The following GPR149 variants were observed in gnomAD, a reference collection of about 807,000 sequenced individuals.
GPR149 encodes G protein-coupled receptor 149.
In GPR149, 50 loss-of-function variants were observed where a neutral mutation model predicts 50.2. The ratio of observed to expected loss-of-function variants is 1.00; its 90% CI spans 0.79 to 1.26. The LOEUF is 1.26. GPR149 is among the 50% of genes most tolerant of loss of function. The pLI is 0.00. For missense variants in GPR149, 983 were observed against 895.4 expected (o/e 1.10, Z -1.25); for synonymous variants, 405 against 358.2 (o/e 1.13, Z -1.48).
At chr3:154,352,914 T>C in intron 3 of GPR149, 2 of 878,272 alleles carry the variant, frequency 2.3e-6, no homozygotes, top group Non-Finnish European at 2.0e-6. Context: ...TCCAGAGCGA[T>C]GGATACGGGC....
At chr3:154,426,869 GGCGTGTGT>G (rs1712315714) in intron 2 of GPR149, among the ~76,000 whole-genome samples, 1 of 84,948 alleles carries the variant, frequency 1.2e-5, no homozygotes, top group African/African-American at 4.6e-5. Flanking sequence ...TTTGGACCAG[GGCGTGTGT>G]GTGTGTGTGT....
intron 3 of GPR149, among the ~76,000 whole-genome samples, chr3:154,401,079 C>T (rs1711543458): frequency 1.3e-5 from 2 of 152,172 alleles, no homozygotes; most frequent in South Asian, 4.1e-4. Flanking sequence ...CAAATTTTAT[C>T]TTTATCTTAA....
intron 3 of GPR149, among the ~76,000 whole-genome samples, chr3:154,420,057 A>C (rs1173022902): frequency 6.6e-6 from 1 of 152,048 alleles, no homozygotes; most frequent in Non-Finnish European, 1.5e-5. Flanking sequence ...TTAATCAATG[A>C]GAATAAAGAA....
chr3:154,375,384 A>AT (rs1230143721), intron 3 of GPR149, among the ~76,000 whole-genome samples: 1 of 152,082 alleles, frequency 6.6e-6, no homozygotes, highest in African/African-American at 2.4e-5. Flanking sequence ...ATCACAGGGC[A>AT]TTTTTGTTGG....
intron 3 of GPR149, among the ~76,000 whole-genome samples, chr3:154,418,942 G>T (rs1712062074): frequency 6.6e-6 from 1 of 151,944 alleles, no homozygotes; most frequent in Non-Finnish European, 1.5e-5. Flanking sequence ...ACTAAGGGAA[G>T]GTTATACAAA....
In GPR149 at chr3:154,362,132, A is replaced by G. The variant is rs1714420368; in HGVS notation, c.1624-23861T>C. Among the ~76,000 whole-genome samples the G allele has an allele frequency of 5.3e-5, 8 of 152,128 alleles. No individual in the cohort carries two copies. The South Asian group carries it at 1.7e-3, about 32-fold the overall frequency. ...GTGAAACCCCGTCTCTACTAAAAAT[A>G]CAAAAAATTAGCCGGGCGTGGTGGC... On this transcript the variant is annotated intron_variant, in intron 3 of 3. Coordinates refer to ENST00000389740, the MANE Select transcript of GPR149 (RefSeq NM_001038705.3).
At chr3:154,373,633 A>G (rs372399636) in intron 3 of GPR149, among the ~76,000 whole-genome samples, 5 of 152,218 alleles carry the variant, frequency 3.3e-5, no homozygotes, top group African/African-American at 1.2e-4. Context: ...TATTTTAGGA[A>G]CAGACATGAT....
intron 2 of GPR149, among the ~76,000 whole-genome samples, chr3:154,425,444 GT>G (rs1180197586): frequency 6.6e-6 from 1 of 152,016 alleles, no homozygotes; most frequent in Non-Finnish European, 1.5e-5. Context: ...TACCTTTGGG[GT>G]TTTAAAATTT....
intron 3 of GPR149, chr3:154,354,232 C>T (rs1714159278): frequency 2.0e-6 from 1 of 489,110 alleles, no homozygotes; most frequent in Admixed American, 3.0e-5. Context: ...GCCTTGACTT[C>T]CTTCTGTCAC....
chr3:154,339,763 C>G (rs1374961670), intron 3 of GPR149, among the ~76,000 whole-genome samples: 1 of 144,436 alleles, frequency 6.9e-6, no homozygotes, highest in African/African-American at 2.5e-5. Flanking sequence ...ATTGGGGGTG[C>G]CTTCATGCTC....
chr3:154,356,147 T>C (rs1054593842), intron 3 of GPR149, among the ~76,000 whole-genome samples: 3 of 152,216 alleles, frequency 2.0e-5, no homozygotes, highest in African/African-American at 4.8e-5. Context: ...TTGTACAACT[T>C]GGTAAACTTA....
chr3:154,401,007 T>C (rs1253496110), intron 3 of GPR149, among the ~76,000 whole-genome samples: 1 of 152,236 alleles, frequency 6.6e-6, no homozygotes, highest in Non-Finnish European at 1.5e-5. Flanking sequence ...GGATGACGAA[T>C]GCGTTTGAGT....
chr3:154,375,109 CCTTT>C (rs1714760782), intron 3 of GPR149, among the ~76,000 whole-genome samples: 1 of 151,964 alleles, frequency 6.6e-6, no homozygotes, highest in African/African-American at 2.4e-5. Context: ...CACTTGCTTC[CCTTT>C]CTTTCATTTT....
intron 3 of GPR149, among the ~76,000 whole-genome samples, chr3:154,410,446 G>T (rs989308260): frequency 6.6e-6 from 1 of 152,138 alleles, no homozygotes; most frequent in Non-Finnish European, 1.5e-5. Flanking sequence ...TGGCAGAGTG[G>T]ATAAGAGTTC....
intron 3 of GPR149, among the ~76,000 whole-genome samples, chr3:154,385,704 C>CTTT (rs5853692): frequency 8.1e-5 from 11 of 136,124 alleles, no homozygotes; most frequent in African/African-American, 1.1e-4. Flanking sequence ...TTCTTTCTTT[C>CTTT]TTTTTTTTTT....
chr3:154,354,858 C>G, intron 3 of GPR149: 1 of 262,742 alleles, frequency 3.8e-6, no homozygotes. Context: ...GCAGTGACAG[C>G]ATGGAAGGAA....
At chr3:154,422,181 G>C (rs1055991835) in intron 2 of GPR149, among the ~76,000 whole-genome samples, 12 of 151,568 alleles carry the variant, frequency 7.9e-5, no homozygotes, top group African/African-American at 2.9e-4. Flanking sequence ...ATTACAAGAA[G>C]AGTTTAGCAG....
intron 3 of GPR149, among the ~76,000 whole-genome samples, chr3:154,386,489 T>C (rs1479573710): frequency 6.6e-6 from 1 of 152,212 alleles, no homozygotes; most frequent in African/African-American, 2.4e-5. Context: ...GAAAAGGCTG[T>C]TGGTACAGAC....
chr3:154,358,916 T>C (rs1229050887), intron 3 of GPR149, among the ~76,000 whole-genome samples: 1 of 152,186 alleles, frequency 6.6e-6, no homozygotes, highest in Non-Finnish European at 1.5e-5. Flanking sequence ...GTGATAGAAA[T>C]AATACATTAC....
Sources: gnomAD v4.1 joint callset for allele counts (sites outside exome capture counted in the v4.1 genomes callset) on GRCh38, gnomAD v4.1.1 for gene constraint, MANE v1.5 for transcripts, NCBI Gene and HGNC (gene_info 2026-07-23, HGNC 2026-07-21) for gene names.